The following OPCML variants were observed in gnomAD, a reference collection of about 807,000 sequenced individuals.
OPCML encodes the protein opioid-binding protein/cell adhesion molecule.
In OPCML, 13 loss-of-function variants were observed where a neutral mutation model predicts 37.8. The observed-to-expected ratio is 0.34, with a 90% CI of 0.22 to 0.55. The LOEUF (loss-of-function observed/expected upper bound fraction) is 0.55. Among genes scored for constraint, OPCML ranks in the 20% least tolerant of loss-of-function variants. The pLI is 0.91. For synonymous variants in OPCML, 176 were observed against 168.8 expected (o/e 1.04, Z -0.33); for missense variants, 341 against 435.6 (o/e 0.78, Z 1.93).
At chr11:133,500,495 G>A (rs964945726) in intron 1 of OPCML, among the ~76,000 whole-genome samples, 1 of 152,214 alleles carries the variant, frequency 6.6e-6, no homozygotes, top group Non-Finnish European at 1.5e-5. Context: ...CTGGCACTGC[G>A]TATATTTCTC....
chr11:133,265,954 G>A (rs2136467467), intron 1 of OPCML, among the ~76,000 whole-genome samples: 1 of 152,268 alleles, frequency 6.6e-6, no homozygotes, highest in African/African-American at 2.4e-5. Context: ...ACTTCACTGT[G>A]AATAAAGTAT....
chr11:133,445,384 G>C, intron 1 of OPCML, among the ~76,000 whole-genome samples: 1 of 152,182 alleles, frequency 6.6e-6, no homozygotes, highest in East Asian at 1.9e-4. Context: ...AGGCAGACCT[G>C]CTCTCTGCCA....
rs550752992 is a variant in OPCML at position 132,779,570 on chromosome 11, A to G, written c.147-122251T>C. Among the ~76,000 whole-genome samples the G allele has an allele frequency of 9.8e-3, 1,473 of 150,816 alleles. 12 individuals carry two copies. Among genetic ancestry groups the G allele is most frequent in the Middle Eastern group, 0.031 (9 of 292 alleles). ...AGATAGACAGAAGGGGGGCGTGGGGAGAGAGAGAGAGAGATAGGTAAAAGA... is the reference window on the plus strand; with the variant it reads ...AGATAGACAGAAGGGGGGCGTGGGGGGAGAGAGAGAGAGATAGGTAAAAGA... On this transcript the variant is annotated intron_variant, in intron 2 of 7. Transcript: ENST00000524381.
At chr11:133,242,205 TGAA>T (rs1478317493) in intron 1 of OPCML, among the ~76,000 whole-genome samples, 8 of 152,122 alleles carry the variant, frequency 5.3e-5, no homozygotes, top group Admixed American at 3.3e-4. Context: ...ATGAGTCACC[TGAA>T]GAAGATTTAG....
At chr11:132,956,734 A>G (rs1370343162) in intron 1 of OPCML, among the ~76,000 whole-genome samples, 2 of 152,140 alleles carry the variant, frequency 1.3e-5, no homozygotes, top group African/African-American at 4.8e-5. Flanking sequence ...CAGCACTGAC[A>G]TTGTATTCTG....
At chr11:132,702,973 G>A (rs1377491123) in intron 2 of OPCML, among the ~76,000 whole-genome samples, 1 of 151,854 alleles carries the variant, frequency 6.6e-6, no homozygotes, top group African/African-American at 2.4e-5. Context: ...ATTTTGTTTG[G>A]TTCTCTATCT....
intron 2 of OPCML, among the ~76,000 whole-genome samples, chr11:132,886,257 G>A (rs749835289): frequency 3.3e-5 from 5 of 151,874 alleles, no homozygotes; most frequent in African/African-American, 4.8e-5. Flanking sequence ...ATTATCAGTC[G>A]TTAAATAACA....
chr11:133,407,179 T>C (rs1305336426), intron 1 of OPCML, among the ~76,000 whole-genome samples: 1 of 152,158 alleles, frequency 6.6e-6, no homozygotes, highest in African/African-American at 2.4e-5. Flanking sequence ...CTGAGAATAA[T>C]CCATAGAATA....
chr11:132,435,800 T>C (rs1038557783), intron 7 of OPCML, among the ~76,000 whole-genome samples: 1 of 152,164 alleles, frequency 6.6e-6, no homozygotes, highest in African/African-American at 2.4e-5. Context: ...TGACCCATGG[T>C]TCTATCTTCT....
At position 133,422,156 on chromosome 11, in the gene OPCML, T is replaced by TTTG. The variant is rs531639185; in HGVS notation, c.61+110105_61+110107dup. The TTTG allele has an allele frequency of 1.3e-3, 1,271 of 970,904 alleles. 17 individuals carry two copies. The African/African-American group carries it at 0.019, about 15-fold the overall frequency. The allele number at this position is 970,904 out of a possible 1,614,324, so 60.1% of individuals were successfully genotyped here. A position where few individuals can be genotyped will look rare whatever the true frequency, so the allele number is the denominator to read the frequency against. On this transcript the variant is annotated intron_variant, in intron 1 of 7. Transcript: ENST00000524381. ...TGGCAGGCCCCGATGTGTTTGTTTGTTTGTTGTTGTTGTTGTTGTTCACTC... is the reference window on the plus strand; with the variant it reads ...TGGCAGGCCCCGATGTGTTTGTTTGTTTGTTGTTGTTGTTGTTGTTGTTCACTC...
chr11:132,527,844 G>A (rs182869400), intron 4 of OPCML, among the ~76,000 whole-genome samples: 2 of 152,228 alleles, frequency 1.3e-5, no homozygotes, highest in East Asian at 3.9e-4. Context: ...GATATATTAT[G>A]GCTTATATCC....
chr11:133,418,452 G>C, intron 1 of OPCML: 3 of 985,338 alleles, frequency 3.0e-6, no homozygotes, highest in Non-Finnish European at 3.6e-6. Flanking sequence ...AATGACTTTG[G>C]TGTTTCTAGT....
intron 1 of OPCML, among the ~76,000 whole-genome samples, chr11:133,039,951 C>T (rs963704554): frequency 1.3e-5 from 2 of 151,630 alleles, no homozygotes; most frequent in Admixed American, 6.6e-5. Context: ...ATTACTTGAA[C>T]CCGGGAGGCG....
chr11:132,557,830 G>A (rs544309636), intron 3 of OPCML, among the ~76,000 whole-genome samples: 1 of 152,250 alleles, frequency 6.6e-6, no homozygotes, highest in African/African-American at 2.4e-5. Flanking sequence ...TGGGCACCAG[G>A]AGAGTCAGAA....
intron 2 of OPCML, among the ~76,000 whole-genome samples, chr11:132,716,644 T>C (rs924840254): frequency 3.1e-4 from 47 of 152,344 alleles, no homozygotes; most frequent in African/African-American, 1.1e-3. Context: ...TCCTATTTGA[T>C]ATAACTTTAA....
intron 1 of OPCML, among the ~76,000 whole-genome samples, chr11:133,161,593 T>C (rs918377356): frequency 6.6e-6 from 1 of 152,164 alleles, no homozygotes; most frequent in Non-Finnish European, 1.5e-5. Flanking sequence ...CTGGCCGATA[T>C]TGAGGTTCAC....
chr11:133,066,281 A>C (rs1180101584), intron 1 of OPCML: 3 of 152,238 alleles, frequency 2.0e-5, no homozygotes, highest in African/African-American at 7.2e-5. Flanking sequence ...CCACTTCCCC[A>C]ATTGCAGAAA....
intron 2 of OPCML, among the ~76,000 whole-genome samples, chr11:132,736,524 A>G (rs1945266427): frequency 6.6e-6 from 1 of 152,142 alleles, no homozygotes; most frequent in Admixed American, 6.6e-5. Flanking sequence ...ACCCTTCCAC[A>G]CTGAATTATG....
At chr11:132,433,594 T>G (rs544372373) in intron 7 of OPCML, among the ~76,000 whole-genome samples, 13 of 152,300 alleles carry the variant, frequency 8.5e-5, no homozygotes, top group African/African-American at 3.1e-4. Flanking sequence ...ATCGCATCCC[T>G]CTACTACCGA....
Sources: gnomAD v4.1 joint callset for allele counts (sites outside exome capture counted in the v4.1 genomes callset) on GRCh38, gnomAD v4.1.1 for gene constraint, MANE v1.5 for transcripts, NCBI Gene and HGNC (gene_info 2026-07-23, HGNC 2026-07-21) for gene names.